The following ERC2 variants were observed in gnomAD, a reference collection of about 807,000 sequenced individuals.
The protein encoded by ERC2 is ELKS/RAB6-interacting/CAST family member 2, also known as ERC protein 2.
In ERC2, 42 loss-of-function variants were observed where a neutral mutation model predicts 114.8. That is an observed-to-expected ratio of 0.37 (90% CI 0.29 to 0.47). The LOEUF (loss-of-function observed/expected upper bound fraction) is 0.47, where lower values mean the gene tolerates loss of function less well. Among genes scored for constraint, ERC2 ranks in the 20% least tolerant of loss-of-function variants. ERC2 has a pLI of 0.99. For synonymous variants in ERC2, 454 were observed against 425.5 expected, an observed-to-expected ratio of 1.07 and a Z score of -0.82; for missense variants, 939 against 1,150.7, an observed-to-expected ratio of 0.82 and a Z score of 2.66.
chr3:56,173,416 C>A, intron 4 of ERC2, 30 bp downstream of exon 4: 1 of 1,605,574 alleles, frequency 6.2e-7, no homozygotes, highest in Non-Finnish European at 8.5e-7. Flanking sequence ...CAAGGCATAA[C>A]TGTTTCTGAC....
intron 2 of ERC2, among the ~76,000 whole-genome samples, chr3:56,324,611 G>T (rs2057276029): frequency 6.6e-6 from 1 of 152,076 alleles, no homozygotes; most frequent in East Asian, 1.9e-4. Context: ...CATCTTCAAG[G>T]TCAGGCTGCT....
rs1021620879 is a variant in ERC2 at position 55,889,661 on chromosome 3, C to T, written c.2404-1112G>A. Among the ~76,000 whole-genome samples the T allele has an allele frequency of 3.3e-5, 5 of 152,050 alleles. No individual in the cohort carries two copies. The East Asian group carries it at 7.7e-4, about 23-fold the overall frequency. On this transcript the variant is annotated intron_variant, in intron 13 of 17. Coordinates refer to ENST00000288221, the MANE Select transcript of ERC2 (RefSeq NM_015576.3). Reference sequence around the variant, plus strand: ...TGAAATGCCATCCCTTGCACAGATGCAGGCTGTGTCCTCCCTGCTGATCCA... The same window carrying T: ...TGAAATGCCATCCCTTGCACAGATGTAGGCTGTGTCCTCCCTGCTGATCCA...
At chr3:55,537,021 G>T (rs1317240769) in intron 17 of ERC2, among the ~76,000 whole-genome samples, 5 of 152,180 alleles carry the variant, frequency 3.3e-5, no homozygotes, top group Non-Finnish European at 7.3e-5. Context: ...AAAAGGTAAA[G>T]GGTCCAGATT....
intron 17 of ERC2, among the ~76,000 whole-genome samples, chr3:55,680,805 G>A (rs1309059887): frequency 6.6e-6 from 1 of 152,182 alleles, no homozygotes; most frequent in Admixed American, 6.5e-5. Flanking sequence ...CAAGAGTGTG[G>A]ATGATCCAAC....
chr3:56,291,174 C>A (rs575005463), intron 3 of ERC2, among the ~76,000 whole-genome samples: 1 of 152,228 alleles, frequency 6.6e-6, no homozygotes, highest in South Asian at 2.1e-4. Flanking sequence ...AATACTTGAT[C>A]GCTAAAACTT....
At chr3:56,452,135 C>A (rs1255737984) in intron 1 of ERC2, among the ~76,000 whole-genome samples, 1 of 152,180 alleles carries the variant, frequency 6.6e-6, no homozygotes, top group Non-Finnish European at 1.5e-5. Context: ...TAAGGATATT[C>A]TTGATCAGCA....
intron 13 of ERC2, among the ~76,000 whole-genome samples, chr3:55,929,627 A>G (rs758514349): frequency 7.9e-5 from 12 of 152,170 alleles, no homozygotes; most frequent in Non-Finnish European, 1.5e-4. Flanking sequence ...TATAATTTGT[A>G]TTTGTGTCCC....
chr3:55,680,284 GT>G (rs1177413778), intron 17 of ERC2, among the ~76,000 whole-genome samples: 1 of 152,178 alleles, frequency 6.6e-6, no homozygotes, highest in Non-Finnish European at 1.5e-5. Context: ...ATAAAAACTT[GT>G]GTTCTATCTT....
intron 17 of ERC2, among the ~76,000 whole-genome samples, chr3:55,572,568 T>TGGA: frequency 6.6e-6 from 1 of 152,342 alleles, no homozygotes; most frequent in East Asian, 1.9e-4. Context: ...AGCTCCTACA[T>TGGA]GGAGCACTTT....
intron 14 of ERC2, among the ~76,000 whole-genome samples, chr3:55,809,211 T>A (rs1206432252): frequency 6.6e-6 from 1 of 152,204 alleles, no homozygotes; most frequent in Non-Finnish European, 1.5e-5. Context: ...ATATGTACAG[T>A]GTTTTGGAAT....
chr3:55,959,000 A>C (rs2068172154), intron 12 of ERC2, among the ~76,000 whole-genome samples: 1 of 152,216 alleles, frequency 6.6e-6, no homozygotes, highest in African/African-American at 2.4e-5. Context: ...CCCACAGAGC[A>C]TGCAACCCCA....
chr3:55,698,600 A>G lies in ERC2; in HGVS notation c.2847+778T>C, dbSNP rs553096689. Among the ~76,000 whole-genome samples the G allele has an allele frequency of 2.0e-5, 3 of 152,306 alleles. No homozygotes were observed. The East Asian group carries it at 5.8e-4, about 29-fold the overall frequency. ...TTGCTCCCATCTATGGAAATGTATCAGTTACACTAGGATCACCAAAAACGG... is the reference window on the plus strand; with the variant it reads ...TTGCTCCCATCTATGGAAATGTATCGGTTACACTAGGATCACCAAAAACGG... On this transcript the variant is annotated intron_variant, in intron 16 of 17. Coordinates refer to ENST00000288221, the MANE Select transcript of ERC2 (RefSeq NM_015576.3).
chr3:55,646,744 T>C (rs930378774), intron 17 of ERC2, among the ~76,000 whole-genome samples: 1 of 152,158 alleles, frequency 6.6e-6, no homozygotes, highest in Non-Finnish European at 1.5e-5. Context: ...ACAACCCTGG[T>C]GTCTAGAACA....
intron 3 of ERC2, among the ~76,000 whole-genome samples, chr3:56,232,859 C>A (rs2050717205): frequency 2.0e-5 from 3 of 152,246 alleles, no homozygotes; most frequent in Admixed American, 1.3e-4. Context: ...CCAGGGCCTT[C>A]TGCCTCAGAC....
intron 3 of ERC2, among the ~76,000 whole-genome samples, chr3:56,224,157 C>G (rs999854617): frequency 6.6e-6 from 1 of 152,158 alleles, no homozygotes; most frequent in Non-Finnish European, 1.5e-5. Flanking sequence ...AAAGTCAGCC[C>G]TCTCATGCTC....
At chr3:55,650,938 C>T (rs1202969767) in intron 17 of ERC2, among the ~76,000 whole-genome samples, 6 of 151,968 alleles carry the variant, frequency 3.9e-5, no homozygotes, top group Non-Finnish European at 1.5e-5. Context: ...CCTTCACCTC[C>T]CGGGTTCAAC....
In ERC2 at chr3:55,769,051, T is replaced by C. The variant is rs76573765; in HGVS notation, c.2565-34133A>G. Among the ~76,000 whole-genome samples, 1,498 of 152,182 alleles carry C rather than the reference T, an allele frequency of 9.8e-3. 21 individuals are homozygous for C. Among genetic ancestry groups the C allele is most frequent in the African/African-American group, 0.034 (1,428 of 41,506 alleles). Reference sequence around the variant, plus strand: ...TTTGGCTCTGAAATTTTAACATCTATGATGAACTGGGATGAGTGTTAGGAT... The same window carrying C: ...TTTGGCTCTGAAATTTTAACATCTACGATGAACTGGGATGAGTGTTAGGAT... On this transcript the variant is annotated intron_variant, in intron 14 of 17. Transcript: ENST00000288221.
chr3:56,113,623 A>G (rs566825686), intron 6 of ERC2, among the ~76,000 whole-genome samples: 11 of 152,326 alleles, frequency 7.2e-5, no homozygotes, highest in Admixed American at 2.6e-4. Flanking sequence ...CAAGTCTCCA[A>G]TTCTTTGCAG....
intron 17 of ERC2, among the ~76,000 whole-genome samples, chr3:55,581,863 T>G (rs2057279347): frequency 6.6e-6 from 1 of 151,894 alleles, no homozygotes; most frequent in Non-Finnish European, 1.5e-5. Context: ...TCAGGGAGAG[T>G]ATAACCAGCT....
Sources: gnomAD v4.1 joint callset for allele counts (sites outside exome capture counted in the v4.1 genomes callset) on GRCh38, gnomAD v4.1.1 for gene constraint, MANE v1.5 for transcripts, NCBI Gene and HGNC (gene_info 2026-07-23, HGNC 2026-07-21) for gene names.